The following HADHB variants were observed in gnomAD, a reference collection of about 807,000 sequenced individuals.
HADHB encodes the protein hydroxyacyl-CoA dehydrogenase trifunctional multienzyme complex subunit beta.
In HADHB, 50 loss-of-function variants were observed where a neutral mutation model predicts 61.9. That is an observed-to-expected ratio of 0.81 (90% CI 0.64 to 1.02). The LOEUF is 1.02. HADHB is among the 50% of genes least tolerant of loss of function. The probability of loss-of-function intolerance (pLI) is 0.00; values close to 1 mark genes in which losing one functional copy is unlikely to be tolerated. For synonymous variants in HADHB, 191 were observed against 201.6 expected (o/e 0.95, Z 0.45); for missense variants, 504 against 586.5 (o/e 0.86, Z 1.45).
chr2:26,266,871 CAAAAAAAAAAAA>C (rs56401595), intron 4 of HADHB, among the ~76,000 whole-genome samples: 5 of 45,426 alleles, frequency 1.1e-4, no homozygotes, highest in African/African-American at 4.9e-4. Flanking sequence ...CACTCTCTCT[CAAAAAAAAAAAA>C]AAAAAAAAAA....
At chr2:26,270,602 G>A (rs931965259) in intron 5 of HADHB, among the ~76,000 whole-genome samples, 2 of 151,958 alleles carry the variant, frequency 1.3e-5, no homozygotes, top group African/African-American at 4.8e-5. Context: ...GAGTGAAAGA[G>A]CAGTTGTTTC....
In HADHB at chr2:26,278,735, G is replaced by C; in HGVS notation, c.564G>C (p.Lys188Asn). The C allele has an allele frequency of 6.2e-7, 1 of 1,614,030 alleles. No homozygotes were observed. Among genetic ancestry groups the C allele is most frequent in the Non-Finnish European group, 8.5e-7 (1 of 1,179,978 alleles). The change falls in exon 8 of 16, where the codon AAG becomes AAC. Residue 188 changes from lysine to asparagine, a missense_variant. Transcript: ENST00000317799. ...KMRKLMLDLN[K>N]AKSMGQRLSL... ...GAAAACTGATGCTTGATCTCAATAAGGCCAAATCTATGGGCCAGCGACTGT... is the reference window on the plus strand; with the variant it reads ...GAAAACTGATGCTTGATCTCAATAACGCCAAATCTATGGGCCAGCGACTGT...
intron 3 of HADHB, among the ~76,000 whole-genome samples, chr2:26,260,081 G>GTTTTTT (rs35276756): frequency 2.2e-5 from 3 of 133,568 alleles, no homozygotes; most frequent in African/African-American, 5.5e-5. Flanking sequence ...GTTTTTTCTG[G>GTTTTTT]TTTTTTTTTT....
intron 9 of HADHB, among the ~76,000 whole-genome samples, chr2:26,279,749 G>A (rs1171929024): frequency 6.6e-6 from 1 of 152,114 alleles, no homozygotes; most frequent in African/African-American, 2.4e-5. Context: ...ATAGCCAACT[G>A]TGAATGAATG....
intron 5 of HADHB, among the ~76,000 whole-genome samples, chr2:26,271,274 G>A (rs1334148797): frequency 6.6e-6 from 1 of 151,120 alleles, no homozygotes; most frequent in Non-Finnish European, 1.5e-5. Flanking sequence ...TTGGGAGGCT[G>A]AGGTGGGCAG....
chr2:26,287,001 C>G (rs1177383992), intron 15 of HADHB, among the ~76,000 whole-genome samples: 2 of 151,128 alleles, frequency 1.3e-5, no homozygotes, highest in Non-Finnish European at 3.0e-5. Flanking sequence ...GTCAGGAGTT[C>G]GAGACCAGCC....
intron 5 of HADHB, among the ~76,000 whole-genome samples, chr2:26,271,248 C>T (rs1672336833): frequency 6.6e-6 from 1 of 151,306 alleles, no homozygotes; most frequent in Non-Finnish European, 1.5e-5. Context: ...TGGCTCACTC[C>T]TGTAATCCCA....
intron 12 of HADHB, 84 bp downstream of exon 12, chr2:26,283,135 CA>C: frequency 4.5e-6 from 4 of 886,316 alleles, no homozygotes; most frequent in South Asian, 1.3e-5. Flanking sequence ...AAATGATTAA[CA>C]CTGGTTTATT....
intron 9 of HADHB, 47 bp from the exon 10 acceptor site, chr2:26,279,947 T>G: frequency 1.4e-6 from 2 of 1,434,020 alleles, no homozygotes. Context: ...AGAAGATATA[T>G]AAGGCTTGTG....
chr2:26,268,827 G>A lies in HADHB; in HGVS notation c.210-1126G>A, dbSNP rs142132587. ...TTCTTAGTTTTAATAAGTATATCAT[G>A]GTTATGTAAGATGTCAGTATTAGAA... is the stretch of plus-strand genomic sequence containing the variant. On this transcript the variant is annotated intron_variant, in intron 4 of 15. Coordinates refer to ENST00000317799, the MANE Select transcript of HADHB (RefSeq NM_000183.3). 2.6e-4 allele frequency among the ~76,000 whole-genome samples: 39 copies of A among 152,218 alleles called. No individual in the cohort carries two copies. The East Asian group carries it at 5.0e-3, about 20-fold the overall frequency.
chr2:26,279,091 AC>A, intron 8 of HADHB, 43 bp from the exon 9 acceptor site: 1 of 1,474,504 alleles, frequency 6.8e-7, no homozygotes, highest in Non-Finnish European at 9.5e-7. Flanking sequence ...TTAGCATAAC[AC>A]CGGTTAACAG....
intron 3 of HADHB, among the ~76,000 whole-genome samples, chr2:26,259,901 A>C (rs980162228): frequency 6.6e-6 from 1 of 152,144 alleles, no homozygotes; most frequent in East Asian, 1.9e-4. Context: ...AAGTAAAGGC[A>C]AGGAGGCTGA....
At chr2:26,250,132 A>G (rs919453510) in intron 1 of HADHB, among the ~76,000 whole-genome samples, 2 of 152,048 alleles carry the variant, frequency 1.3e-5, no homozygotes, top group Non-Finnish European at 2.9e-5. Flanking sequence ...TCAGTTCCCA[A>G]GTAGCTGGCT....
rs543224342 is a variant in HADHB at position 26,256,794 on chromosome 2, G to A, written c.109+2320G>A. Among the ~76,000 whole-genome samples the A allele has an allele frequency of 2.0e-5, 3 of 152,224 alleles. No individual in the cohort carries two copies. In the East Asian group the frequency reaches 5.8e-4, roughly 29 times the overall value. ...CAGATTCTTATAATTCATTACTGCT[G>A]TGTGCCCAGAGCACTGTAGAATATA... is the stretch of plus-strand genomic sequence containing the variant. On this transcript the variant is annotated intron_variant, in intron 3 of 15. Transcript: ENST00000317799.
In HADHB at chr2:26,244,956, G is replaced by T. The variant is rs761468805; in HGVS notation, c.-43G>T. On this transcript the variant is annotated 5_prime_UTR_variant, in exon 1 of 16. Transcript: ENST00000317799. Reference sequence around the variant, plus strand: ...GCCTTGGTACTTGGACCTGAACCTTGCTCCGAGAGGGAGTCCTCGCGGACG... The same window carrying T: ...GCCTTGGTACTTGGACCTGAACCTTTCTCCGAGAGGGAGTCCTCGCGGACG... 3 of 326,792 alleles carry T rather than the reference G, an allele frequency of 9.2e-6. No homozygotes were observed. The highest frequency in any genetic ancestry group is 3.1e-5 in the South Asian group (1 of 32,452). The allele number at this position is 326,792 out of a possible 1,614,324, so 20.2% of individuals were successfully genotyped here.
chr2:26,267,406 A>G (rs1672132396), intron 4 of HADHB, among the ~76,000 whole-genome samples: 1 of 152,204 alleles, frequency 6.6e-6, no homozygotes, highest in African/African-American at 2.4e-5. Context: ...GCTACCGGTC[A>G]CCAAAACTGC....
At chr2:26,265,128 A>C (rs546778575) in intron 4 of HADHB, among the ~76,000 whole-genome samples, 200 of 152,352 alleles carry the variant, frequency 1.3e-3, no homozygotes, top group Non-Finnish European at 2.3e-3. Flanking sequence ...CAACAGTAAA[A>C]GTAAGAATCA....
chr2:26,245,511 G>T (rs1395746113), intron 1 of HADHB: 2 of 151,978 alleles, frequency 1.3e-5, no homozygotes, highest in African/African-American at 4.8e-5. Flanking sequence ...CCGTTATCCA[G>T]ATAATCCTGC....
chr2:26,274,179 T>G (rs927424658), intron 6 of HADHB, among the ~76,000 whole-genome samples: 1 of 152,250 alleles, frequency 6.6e-6, no homozygotes, highest in Non-Finnish European at 1.5e-5. Context: ...TTTGTTCCCA[T>G]CAACTAGATG....
Sources: allele counts gnomAD v4.1 joint callset (sites outside exome capture counted in the v4.1 genomes callset), GRCh38; gene constraint gnomAD v4.1.1; transcripts MANE v1.5; gene names NCBI Gene and HGNC (gene_info 2026-07-23, HGNC 2026-07-21).